The following KIF14 variants were observed in gnomAD, a reference collection of about 807,000 sequenced individuals.
KIF14 encodes the protein kinesin family member 14.
In KIF14, 98 loss-of-function variants were observed where a neutral mutation model predicts 176.2. That is an observed-to-expected ratio of 0.56 (90% CI 0.47 to 0.66). The LOEUF (loss-of-function observed/expected upper bound fraction) is 0.66, where lower values mean the gene tolerates loss of function less well. KIF14 is among the 30% of genes least tolerant of loss of function. The pLI, the probability that KIF14 is intolerant of heterozygous loss-of-function variation, is 0.00. For missense variants in KIF14, 1,751 were observed against 1,920.4 expected (o/e 0.91, Z 1.65); for synonymous variants, 566 against 632.2 (o/e 0.90, Z 1.57).
At chr1:200,607,771 G>C (rs115064179) in intron 5 of KIF14, among the ~76,000 whole-genome samples, 1 of 151,972 alleles carries the variant, frequency 6.6e-6, no homozygotes, top group African/African-American at 2.4e-5. Context: ...GTGAAATCTC[G>C]GCTCACTGAA....
intron 4 of KIF14, among the ~76,000 whole-genome samples, chr1:200,610,022 GT>G (rs1660072431): frequency 6.6e-6 from 1 of 152,192 alleles, no homozygotes; most frequent in African/African-American, 2.4e-5. Context: ...CAAACTAGTA[GT>G]TGCCAGGGAT....
intron 4 of KIF14, among the ~76,000 whole-genome samples, chr1:200,612,004 T>G (rs1274101432): frequency 6.6e-6 from 1 of 151,764 alleles, no homozygotes; most frequent in Non-Finnish European, 1.5e-5. Flanking sequence ...CATGCTCTTT[T>G]TTTTTTTCTT....
intron 11 of KIF14, among the ~76,000 whole-genome samples, chr1:200,601,467 T>C (rs1393646215): frequency 1.3e-5 from 2 of 152,328 alleles, no homozygotes; most frequent in East Asian, 3.9e-4. Context: ...GTATTTAGCA[T>C]AAATGAAGTT....
intron 8 of KIF14, 85 bp from the exon 9 acceptor site, chr1:200,604,040 T>G (rs1176637766): frequency 8.9e-6 from 7 of 784,574 alleles, no homozygotes; most frequent in Non-Finnish European, 1.5e-5. Flanking sequence ...TGTAAAAGAT[T>G]ACACATCACT....
At chr1:200,577,777 T>G (rs1008515904) in intron 21 of KIF14, among the ~76,000 whole-genome samples, 15 of 103,938 alleles carry the variant, frequency 1.4e-4, no homozygotes, top group Admixed American at 7.9e-4. Context: ...GTTATTGTGG[T>G]TTTTGTTTGT....
At chr1:200,574,594 C>G (rs1214339916) in intron 22 of KIF14, among the ~76,000 whole-genome samples, 1 of 152,144 alleles carries the variant, frequency 6.6e-6, no homozygotes, top group Non-Finnish European at 1.5e-5. Flanking sequence ...TCTTTGCTTC[C>G]TCAGGGCATA....
chr1:200,596,001 T>TC (rs1361554555), intron 14 of KIF14, among the ~76,000 whole-genome samples: 1 of 143,782 alleles, frequency 7.0e-6, no homozygotes, highest in Non-Finnish European at 1.5e-5. Flanking sequence ...ACACCTGTAA[T>TC]CCCAGCACTT....
intron 4 of KIF14, 141 bp from the exon 5 acceptor site, chr1:200,609,069 T>C (rs1283334124): frequency 3.7e-5 from 18 of 485,442 alleles, no homozygotes; most frequent in Non-Finnish European, 5.8e-5. Context: ...AGCCCAATTT[T>C]AAAATGCACA....
chr1:200,615,901 C>T (rs116535409), intron 2 of KIF14, among the ~76,000 whole-genome samples: 3,561 of 152,086 alleles, frequency 0.023, 51 homozygotes, highest in Non-Finnish European at 0.035. Context: ...ATACCTTTTC[C>T]CATCCCACCT....
chr1:200,586,208 A>T lies in KIF14; in HGVS notation c.3134T>A (p.Ile1045Asn), dbSNP rs1319962154. 6.3e-7 allele frequency: 1 copy of T among 1,596,708 alleles called. No individual in the cohort carries two copies. The highest frequency in any genetic ancestry group is 8.6e-7 in the Non-Finnish European group (1 of 1,169,372). ...AGCTTCCAGAATTCTTGCATGGCGG[A>T]TGCTATGGTCTTCTAAAGCCTAATT... Reference protein sequence around the residue: ...ATKQALEDHSIRHARILEALE... With the variant: ...ATKQALEDHSNRHARILEALE... Residue 1045 changes from isoleucine to asparagine, a missense_variant, in exon 19 of 30, where the codon ATC becomes AAC. Physicochemically the swap from Ile to Asn is moderately radical, Grantham distance 149. Coordinates refer to ENST00000367350, the MANE Select transcript of KIF14 (RefSeq NM_014875.3).
Position 200,560,802 on chromosome 1 carries a change from AC to A in KIF14, c.4149del (p.Lys1383AsnfsTer6), listed in dbSNP as rs1657098394. 2 of 1,614,068 alleles carry A rather than the reference AC, an allele frequency of 1.2e-6. No individual in the cohort carries two copies. Among genetic ancestry groups the A allele is most frequent in the Non-Finnish European group, 8.5e-7 (1 of 1,179,964 alleles). ...NAIQIVQQAV[K>X]YVGQLAVLKG... The stretch of plus-strand genomic sequence containing the variant: ...TTCAGAACTGCTAACTGCCCCACAT[AC>A]TTTACAGCTTGTTGTACAATTTGGA... On this transcript the variant is annotated frameshift_variant, in exon 26 of 30. Transcript: ENST00000367350. LOFTEE classifies it high-confidence loss of function.
At chr1:200,610,338 T>C (rs554279685) in intron 4 of KIF14, among the ~76,000 whole-genome samples, 12 of 151,508 alleles carry the variant, frequency 7.9e-5, no homozygotes, top group African/African-American at 2.2e-4. Context: ...AATACAAAAA[T>C]ACAAAATACA....
intron 22 of KIF14, among the ~76,000 whole-genome samples, chr1:200,572,426 G>A (rs1203615583): frequency 6.6e-6 from 1 of 152,114 alleles, no homozygotes; most frequent in African/African-American, 2.4e-5. Context: ...CTCACTGCAA[G>A]CTCTGCCTCC....
In KIF14 at chr1:200,591,747, C is replaced by T. The variant is rs145908654; in HGVS notation, c.2813+333G>A. On this transcript the variant is annotated intron_variant, in intron 16 of 29. Transcript: ENST00000367350. ...AACCGGTCAGGGCCAGGTGTCACCC[C>T]GTGAGCTTCCACACCACACAGTTCG... 2.2e-3 allele frequency among the ~76,000 whole-genome samples: 329 copies of T among 152,298 alleles called. 1 individual carries two copies. Among genetic ancestry groups the T allele is most frequent in the African/African-American group, 7.5e-3 (312 of 41,556 alleles).
intron 19 of KIF14, among the ~76,000 whole-genome samples, chr1:200,585,039 C>T (rs1658660617): frequency 6.6e-6 from 1 of 152,028 alleles, no homozygotes; most frequent in South Asian, 2.1e-4. Context: ...AAATGTTAAA[C>T]TCATAGGCAC....
intron 14 of KIF14, among the ~76,000 whole-genome samples, chr1:200,594,352 C>T (rs1255043520): frequency 9.4e-6 from 1 of 106,630 alleles, no homozygotes; most frequent in Non-Finnish European, 1.9e-5. Context: ...AAAACAAAAA[C>T]CTTCCCCCAA....
At chr1:200,601,627 CT>C (rs1659631759) in intron 11 of KIF14, among the ~76,000 whole-genome samples, 1 of 152,148 alleles carries the variant, frequency 6.6e-6, no homozygotes, top group Admixed American at 6.5e-5. Flanking sequence ...ACGTCTATGA[CT>C]GTGTAAATTT....
At position 200,592,185 on chromosome 1, in the gene KIF14, T is replaced by C; in HGVS notation, c.2708A>G (p.Glu903Gly). Residue 903 changes from glutamate to glycine, a missense_variant, in exon 16 of 30, where the codon GAA becomes GGA. Coordinates refer to ENST00000367350, the MANE Select transcript of KIF14 (RefSeq NM_014875.3). Reference sequence around the variant, plus strand: ...AGATGGCCTTTTTCCTTTCTGGACTTCTACTGGATGATTAAATCTAAAATA... The same window carrying C: ...AGATGGCCTTTTTCCTTTCTGGACTCCTACTGGATGATTAAATCTAAAATA... Reference protein sequence around the residue: ...DHYFRFNHPVEVQKGKRPSGR... With the variant: ...DHYFRFNHPVGVQKGKRPSGR... 1 of 1,613,786 alleles carries C rather than the reference T, an allele frequency of 6.2e-7. No individual in the cohort carries two copies. The highest frequency in any genetic ancestry group is 8.5e-7 in the Non-Finnish European group (1 of 1,179,812).
At position 200,553,340 on chromosome 1, in the gene KIF14, G is replaced by T; in HGVS notation, c.*48C>A. The T allele has an allele frequency of 2.0e-6, 3 of 1,516,454 alleles. No individual in the cohort carries two copies. The highest frequency in any genetic ancestry group is 2.6e-6 in the Non-Finnish European group (3 of 1,133,050). The allele number at this position is 1,516,454 out of a possible 1,614,324, so 93.9% of individuals were successfully genotyped here. On this transcript the variant is annotated 3_prime_UTR_variant, in exon 30 of 30. Transcript: ENST00000367350. The stretch of plus-strand genomic sequence containing the variant: ...GCATAAAGAAAATTACCGAGCAAGT[G>T]TTCTTTTTCTTTCATGGGTGGTCAT...
Sources: gnomAD v4.1 joint callset for allele counts (sites outside exome capture counted in the v4.1 genomes callset) on GRCh38, gnomAD v4.1.1 for gene constraint, MANE v1.5 for transcripts, NCBI Gene and HGNC (gene_info 2026-07-23, HGNC 2026-07-21) for gene names.